ZIC5: variants seen among roughly 807,000 people sequenced by gnomAD.
The protein encoded by ZIC5 is Zic family zinc finger 5, also known as zinc finger protein ZIC 5.
In ZIC5, 20 loss-of-function variants were observed where a neutral mutation model predicts 28.5. That is an observed-to-expected ratio of 0.70 (90% CI 0.49 to 1.02). ZIC5 has a LOEUF of 1.02. Ranked by LOEUF, ZIC5 falls within the 50% of genes least tolerant of loss-of-function variation. The pLI is 0.00. For synonymous variants in ZIC5, 488 were observed against 410.4 expected, an observed-to-expected ratio of 1.19 and a Z score of -2.29; for missense variants, 951 against 899.7, an observed-to-expected ratio of 1.06 and a Z score of -0.73.
chr13:99,969,467 G>A (rs1462363128), intron 1 of ZIC5, among the ~76,000 whole-genome samples: 1 of 142,950 alleles, frequency 7.0e-6, no homozygotes, highest in Non-Finnish European at 1.6e-5. Context: ...AGTGTGTAAA[G>A]TTGTGGGAGA....
At position 99,964,990 on chromosome 13, in the gene ZIC5, C is replaced by T. The variant is rs185810285; in HGVS notation, c.*387G>A. The T allele has an allele frequency of 3.0e-3, 421 of 142,690 alleles. 3 individuals carry two copies. Among genetic ancestry groups the T allele is most frequent in the African/African-American group, 0.011 (408 of 37,646 alleles). The allele number at this position is 142,690 out of a possible 1,614,324, so 8.8% of individuals were successfully genotyped here. ...TTCTGACTTAATGCTCTTTTTCTCCCCCTTTTAAAAAAAATAATATATATA... is the reference window on the plus strand; with the variant it reads ...TTCTGACTTAATGCTCTTTTTCTCCTCCTTTTAAAAAAAATAATATATATA... On this transcript the variant is annotated 3_prime_UTR_variant, in exon 2 of 2. Coordinates refer to ENST00000267294, the MANE Select transcript of ZIC5 (RefSeq NM_033132.5).
rs1353274289 is a variant in ZIC5 at position 99,963,742 on chromosome 13, T to G, written c.*1635A>C. On this transcript the variant is annotated 3_prime_UTR_variant, in exon 2 of 2. Transcript: ENST00000267294. ...GTATAATATAATTCTTTGGTGTGCTTTGAACTCTTCCAGGAAAGAAAAAAA... is the reference window on the plus strand; with the variant it reads ...GTATAATATAATTCTTTGGTGTGCTGTGAACTCTTCCAGGAAAGAAAAAAA... 1 of 150,834 alleles carries G rather than the reference T, an allele frequency of 6.6e-6. No individual in the cohort carries two copies. The highest frequency in any genetic ancestry group is 6.6e-5 in the Admixed American group (1 of 15,098). The allele number at this position is 150,834 out of a possible 1,614,324, so 9.3% of individuals were successfully genotyped here.
Position 99,970,506 on chromosome 13 carries a change from C to T in ZIC5, c.1098G>A (p.Gln366=). ...AAGAFLRYMR[Q]PIKQELICKW... ...TGCAGATGAGCTCCTGCTTGATTGG[C>T]TGCCGCATGTAGCGCAGGAAGGCCC... is the stretch of plus-strand genomic sequence containing the variant. The change falls in exon 1 of 2, where the codon CAG becomes CAA. Residue 366 remains glutamine (Q), a synonymous_variant. Transcript: ENST00000267294. 1 of 1,131,148 alleles carries T rather than the reference C, an allele frequency of 8.8e-7. No homozygotes were observed. The allele number at this position is 1,131,148 out of a possible 1,614,324, so 70.1% of individuals were successfully genotyped here.
chr13:99,965,753 T>C lies in ZIC5; in HGVS notation c.1544A>G (p.Lys515Arg). Residue 515 changes from lysine to arginine, a missense_variant, in exon 2 of 2, where the codon AAG (lysine) becomes AGG (arginine). Physicochemically the swap from Lys to Arg is conservative, Grantham distance 26. Transcript: ENST00000267294. ...ACTGGTGTGGACATGGGAATGTTTC[T>C]TCCGATCACTGCTATTGGCAAACTT... ...DRKFANSSDR[K>R]KHSHVHTSDK... The C allele has an allele frequency of 3.7e-6, 6 of 1,614,200 alleles. No individual in the cohort carries two copies. The highest frequency in any genetic ancestry group is 4.5e-5 in the East Asian group (2 of 44,890).
chr13:99,970,990 T>C lies in ZIC5; in HGVS notation c.614A>G (p.Gln205Arg). Residue 205 changes from glutamine to arginine, a missense_variant, in exon 1 of 2, where the codon CAG becomes CGG. Physicochemically the swap from Gln to Arg is conservative, Grantham distance 43 (BLOSUM62 1). This residue lies in a region of ZIC5 where 784 missense variants were observed against 660.1 expected (regional missense o/e 1.19). Coordinates refer to ENST00000267294, the MANE Select transcript of ZIC5 (RefSeq NM_033132.5). ...GEQRSGTGSP[Q>R]HPAPPPHSAG... is the part of the protein sequence containing the mutation. ...CGAGTGGGGAGGCGGGGCCGGGTGC[T>C]GGGGGGAGCCGGTGCCGGACCGCTG... The C allele has an allele frequency of 7.1e-7, 1 of 1,404,298 alleles. No homozygotes were observed. Among genetic ancestry groups the C allele is most frequent in the Non-Finnish European group, 9.2e-7 (1 of 1,091,806 alleles). The allele number at this position is 1,404,298 out of a possible 1,614,324, so 87.0% of individuals were successfully genotyped here. A position where few individuals can be genotyped will look rare whatever the true frequency, so the allele number is the denominator to read the frequency against.
At position 99,970,601 on chromosome 13, in the gene ZIC5, C is replaced by T; in HGVS notation, c.1003G>A (p.Ala335Thr). Residue 335 changes from alanine (A) to threonine (T), a missense_variant, in exon 1 of 2, where the codon GCG becomes ACG. Ala to Thr is a moderately conservative substitution (Grantham distance 58). Transcript: ENST00000267294. The stretch of plus-strand genomic sequence containing the variant: ...GCGGGCGCCGGCGGCGGCGGCGGCG[C>T]CGGGGGCGGCGCGTGGTGCTGCAGG... ...PHLQHHAPPP[A>T]PPPPPAPAQH... 5 of 987,006 alleles carry T rather than the reference C, an allele frequency of 5.1e-6. No individual in the cohort carries two copies. Among genetic ancestry groups the T allele is most frequent in the Non-Finnish European group, 6.0e-6 (5 of 831,132 alleles). 61.1% of individuals were successfully genotyped at this position (987,006 alleles called of 1,614,324 possible).
chr13:99,969,340 G>A (rs1470014589), intron 1 of ZIC5, among the ~76,000 whole-genome samples: 2 of 152,208 alleles, frequency 1.3e-5, no homozygotes, highest in Non-Finnish European at 2.9e-5. Context: ...GTCAACTCCA[G>A]CACCCTCCAG....
intron 1 of ZIC5, among the ~76,000 whole-genome samples, chr13:99,968,345 G>A (rs1255819765): frequency 6.6e-6 from 1 of 152,178 alleles, no homozygotes; most frequent in Non-Finnish European, 1.5e-5. Flanking sequence ...CGCGGCCGCC[G>A]GGAGGGGGCA....
chr13:99,969,899 C>G (rs970394512), intron 1 of ZIC5, among the ~76,000 whole-genome samples: 3 of 150,354 alleles, frequency 2.0e-5, no homozygotes, highest in African/African-American at 7.4e-5. Flanking sequence ...TGTGGGAACC[C>G]AACGCGGGGC....
rs1418084094 is a variant in ZIC5 at position 99,971,247 on chromosome 13, A to G, written c.357T>C (p.Ser119=). 2.3e-6 allele frequency: 3 copies of G among 1,316,982 alleles called. No individual in the cohort carries two copies. The highest frequency in any genetic ancestry group is 4.2e-5 in the Admixed American group (1 of 23,860). 81.6% of individuals were successfully genotyped at this position (1,316,982 alleles called of 1,614,324 possible). The change falls in exon 1 of 2, where the codon AGT becomes AGC. Residue 119 remains serine (S), a synonymous_variant. Coordinates refer to ENST00000267294, the MANE Select transcript of ZIC5 (RefSeq NM_033132.5). Reference sequence around the variant, plus strand: ...GCGGGGGCGCGGAGGGCTGCGCGCCACTGCTGCCCCCGCCGCAGGGGTAGC... The same window carrying G: ...GCGGGGGCGCGGAGGGCTGCGCGCCGCTGCTGCCCCCGCCGCAGGGGTAGC... ...AGSYPCGGGS[S]GAQPSAPPPP... is the part of the protein sequence containing the mutation.
chr13:99,970,473 G>A lies in ZIC5; in HGVS notation c.1131C>T (p.Ile377=). 9.0e-7 allele frequency: 1 copy of A among 1,114,708 alleles called. No individual in the cohort carries two copies. 69.1% of individuals were successfully genotyped at this position (1,114,708 alleles called of 1,614,324 possible). The change falls in exon 1 of 2, where the codon ATC becomes ATT. Residue 377 remains isoleucine, a synonymous_variant. Coordinates refer to ENST00000267294, the MANE Select transcript of ZIC5 (RefSeq NM_033132.5). ...GCAGCCCGGCCAGCTCGTCGGGGTC[G>A]ATCCACTTGCAGATGAGCTCCTGCT... ...PIKQELICKW[I]DPDELAGLPP... is the part of the protein sequence containing the mutation.
At chr13:99,969,229 G>A (rs2152155375) in intron 1 of ZIC5, among the ~76,000 whole-genome samples, 1 of 152,320 alleles carries the variant, frequency 6.6e-6, no homozygotes, top group South Asian at 2.1e-4. Flanking sequence ...GGGTCCCCAC[G>A]ACGCCGGTGG....
Position 99,970,359 on chromosome 13 carries a change from G to A in ZIC5, c.1245C>T (p.His415=). ...CCACCGTGACGTGATTCACCAGCTC[G>A]TGCATGGTGCCGAAAGTTTTGGAGC... is the stretch of plus-strand genomic sequence containing the variant. ...KPCSKTFGTM[H]ELVNHVTVEH... The change falls in exon 1 of 2, where the codon CAC becomes CAT. Residue 415 remains histidine (H), a synonymous_variant. Transcript: ENST00000267294. 6.2e-7 allele frequency: 1 copy of A among 1,603,474 alleles called. No individual in the cohort carries two copies. Among genetic ancestry groups the A allele is most frequent in the Non-Finnish European group, 8.5e-7 (1 of 1,176,180 alleles).
In ZIC5 at chr13:99,971,256, C is replaced by G. The variant is rs1040104626; in HGVS notation, c.348G>C (p.Gly116=). The change falls in exon 1 of 2, where the codon GGG becomes GGC. Residue 116 remains glycine, a synonymous_variant. Transcript: ENST00000267294. ...HPGAGSYPCG[G]GSSGAQPSAP... is the part of the protein sequence containing the mutation. ...CGGAGGGCTGCGCGCCACTGCTGCC[C>G]CCGCCGCAGGGGTAGCTGCCCGCGC... 58 of 1,330,624 alleles carry G rather than the reference C, an allele frequency of 4.4e-5. 2 individuals carry two copies. Among genetic ancestry groups the G allele is most frequent in the Middle Eastern group, 5.5e-4 (2 of 3,616 alleles). The allele number at this position is 1,330,624 out of a possible 1,614,324, so 82.4% of individuals were successfully genotyped here.
rs1346762601 is a variant in ZIC5 at position 99,971,449 on chromosome 13, C to G, written c.155G>C (p.Arg52Pro). 6.5e-7 allele frequency: 1 copy of G among 1,530,246 alleles called. No individual in the cohort carries two copies. The highest frequency in any genetic ancestry group is 8.8e-7 in the Non-Finnish European group (1 of 1,137,280). 94.8% of individuals were successfully genotyped at this position (1,530,246 alleles called of 1,614,324 possible). A position where few individuals can be genotyped will look rare whatever the true frequency, so the allele number is the denominator to read the frequency against. ...GGGGTCAGCGCCCAGGTCCCGCAGG[C>G]GGAGGTGCGCGACGGCGGCCCGGAG... is the stretch of plus-strand genomic sequence containing the variant. ...SQLRAAVAHL[R>P]LRDLGADPGV... is the part of the protein sequence containing the mutation. Residue 52 changes from arginine (R) to proline (P), a missense_variant, in exon 1 of 2, where the codon CGC becomes CCC. This residue lies in a region of ZIC5 where 784 missense variants were observed against 660.1 expected (regional missense o/e 1.19). Coordinates refer to ENST00000267294, the MANE Select transcript of ZIC5 (RefSeq NM_033132.5).
Position 99,971,255 on chromosome 13 carries a change from CCCCGCCGCAGGGGTAGCTG to C in ZIC5, c.330_348del (p.Ser111AlafsTer190). On this transcript the variant is annotated frameshift_variant, in exon 1 of 2. Transcript: ENST00000267294. LOFTEE classifies it high-confidence loss of function. ...GCGGAGGGCTGCGCGCCACTGCTGC[CCCCGCCGCAGGGGTAGCTG>C]CCCGCGCCGGGGTGCGCGACCAAGG... 7.5e-7 allele frequency: 1 copy of C among 1,330,532 alleles called. No homozygotes were observed. 82.4% of individuals were successfully genotyped at this position (1,330,532 alleles called of 1,614,324 possible).
In ZIC5 at chr13:99,965,264, C is replaced by G. The variant is rs551396699; in HGVS notation, c.*113G>C. Reference sequence around the variant, plus strand: ...TACTGAATAAATAGGGCTAATTAGACCCGGTGGCAAGTCTGAGTCACGGGT... The same window carrying G: ...TACTGAATAAATAGGGCTAATTAGAGCCGGTGGCAAGTCTGAGTCACGGGT... On this transcript the variant is annotated 3_prime_UTR_variant, in exon 2 of 2. Transcript: ENST00000267294. 1 of 934,116 alleles carries G rather than the reference C, an allele frequency of 1.1e-6. No homozygotes were observed. Among genetic ancestry groups the G allele is most frequent in the East Asian group, 2.7e-5 (1 of 37,082 alleles). 57.9% of individuals were successfully genotyped at this position (934,116 alleles called of 1,614,324 possible).
intron 1 of ZIC5, among the ~76,000 whole-genome samples, chr13:99,969,310 C>A (rs772032248): frequency 6.6e-6 from 1 of 152,188 alleles, no homozygotes; most frequent in Non-Finnish European, 1.5e-5. Flanking sequence ...ACAACTAGAA[C>A]CTTCTCTAGA....
Position 99,965,513 on chromosome 13 carries a change from T to G in ZIC5, c.1784A>C (p.Asn595Thr). 2 of 1,613,802 alleles carry G rather than the reference T, an allele frequency of 1.2e-6. No homozygotes were observed. Among genetic ancestry groups the G allele is most frequent in the Non-Finnish European group, 1.7e-6 (2 of 1,179,876 alleles). ...HSSTLSPQVT[N>T]LNEWYVCQAS... is the part of the protein sequence containing the mutation. ...CTGGCAAACGTACCACTCATTGAGGTTGGTCACCTGAGGGGACAGAGTGCT... is the reference window on the plus strand; with the variant it reads ...CTGGCAAACGTACCACTCATTGAGGGTGGTCACCTGAGGGGACAGAGTGCT... The change falls in exon 2 of 2, where the codon AAC becomes ACC. Residue 595 changes from asparagine (N) to threonine (T), a missense_variant. By Grantham distance (65) the Asn-to-Thr change is moderately conservative. Around this residue, in one of 3 missense-constraint regions of ZIC5, gnomAD observed 108 missense variants for 118.4 expected, o/e 0.91. Coordinates refer to ENST00000267294, the MANE Select transcript of ZIC5 (RefSeq NM_033132.5).
Sources: gnomAD v4.1 joint callset for allele counts (sites outside exome capture counted in the v4.1 genomes callset) on GRCh38, gnomAD v4.1.1 for gene constraint, gnomAD v4.1.1 regional missense constraint, MANE v1.5 for transcripts, NCBI Gene and HGNC (gene_info 2026-07-23, HGNC 2026-07-21) for gene names.